DYDC1: variants seen among roughly 807,000 people sequenced by gnomAD.
The protein encoded by DYDC1 is DPY30 domain-containing protein 1.
Under a neutral mutation model 27.9 loss-of-function variants are expected in DYDC1, and 21 were observed. The observed-to-expected ratio is 0.75, with a 90% CI of 0.53 to 1.08. The LOEUF is 1.08. Among genes scored for constraint, DYDC1 ranks in the 50% least tolerant of loss-of-function variants. DYDC1 has a pLI of 0.00. For synonymous variants in DYDC1, 67 were observed against 65.8 expected (o/e 1.02, Z -0.09); for missense variants, 202 against 205.9 (o/e 0.98, Z 0.12).
At chr10:80,349,616 C>T (rs758990439) in intron 3 of DYDC1, among the ~76,000 whole-genome samples, 5 of 152,088 alleles carry the variant, frequency 3.3e-5, no homozygotes, top group Non-Finnish European at 5.9e-5. Flanking sequence ...GTAGCTGAAA[C>T]GCAGAAACAG....
At chr10:80,346,663 T>C (rs1589509370) in intron 3 of DYDC1, among the ~76,000 whole-genome samples, 8 of 150,802 alleles carry the variant, frequency 5.3e-5, no homozygotes. Flanking sequence ...GGTTTCACCA[T>C]GTTAGCTAGG....
intron 3 of DYDC1, among the ~76,000 whole-genome samples, chr10:80,349,481 TA>T (rs1564664880): frequency 2.0e-5 from 3 of 152,182 alleles, no homozygotes; most frequent in Admixed American, 2.0e-4. Flanking sequence ...CAATGCATTC[TA>T]AAATAATAAA....
At chr10:80,354,144 AT>A in intron 1 of DYDC1, among the ~76,000 whole-genome samples, 1 of 148,644 alleles carries the variant, frequency 6.7e-6, no homozygotes, top group South Asian at 2.1e-4. Flanking sequence ...ATATATATAT[AT>A]TTTTTCCTGA....
Position 80,339,790 on chromosome 10 carries a change from G to A in DYDC1, c.343-637C>T, listed in dbSNP as rs79872102. The stretch of plus-strand genomic sequence containing the variant: ...TCGTTTTGGCTGCTAGAAGACCAGT[G>A]ATTTCTTGATCATACATATGGTCAC... On this transcript the variant is annotated intron_variant, in intron 4 of 6. Coordinates refer to ENST00000372202, the MANE Select transcript of DYDC1 (RefSeq NM_001269053.2). 7.2e-3 allele frequency among the ~76,000 whole-genome samples: 1,101 copies of A among 152,232 alleles called. 37 individuals are homozygous for A. Among genetic ancestry groups the A allele is most frequent in the East Asian group, 0.051 (263 of 5,176 alleles).
chr10:80,347,209 G>A (rs532670387), intron 3 of DYDC1, among the ~76,000 whole-genome samples: 36 of 149,974 alleles, frequency 2.4e-4, no homozygotes, highest in African/African-American at 7.8e-4. Context: ...TATACCTGTT[G>A]GCCACTTTTA....
intron 1 of DYDC1, among the ~76,000 whole-genome samples, chr10:80,354,149 T>C (rs1398969587): frequency 6.7e-6 from 1 of 149,364 alleles, no homozygotes; most frequent in Non-Finnish European, 1.5e-5. Context: ...TATATATTTT[T>C]TCCTGAGAAT....
intron 3 of DYDC1, among the ~76,000 whole-genome samples, chr10:80,347,119 G>A (rs560608340): frequency 2.6e-5 from 4 of 151,930 alleles, no homozygotes; most frequent in African/African-American, 9.6e-5. Flanking sequence ...TAATAGGGGC[G>A]AGGTGGTATC....
At chr10:80,353,984 C>T (rs576167748) in intron 1 of DYDC1, among the ~76,000 whole-genome samples, 7 of 151,984 alleles carry the variant, frequency 4.6e-5, no homozygotes, top group Non-Finnish European at 8.8e-5. Flanking sequence ...GGCGTGGTGG[C>T]GGGCGCCTGT....
At position 80,342,344 on chromosome 10, in the gene DYDC1, C is replaced by A; in HGVS notation, c.267G>T (p.Gln89His). The A allele has an allele frequency of 6.2e-7, 1 of 1,613,636 alleles. No individual in the cohort carries two copies. The highest frequency in any genetic ancestry group is 8.5e-7 in the Non-Finnish European group (1 of 1,179,964). Residue 89 changes from glutamine (Q) to histidine (H), a missense_variant, in exon 4 of 7, where the codon CAG becomes CAT. By Grantham distance (24) the Gln-to-His change is conservative (BLOSUM62 0). Coordinates refer to ENST00000372202, the MANE Select transcript of DYDC1 (RefSeq NM_001269053.2). Reference sequence around the variant, plus strand: ...CCTTTTCTTGCATTTCCAACTCTAGCTGCAATGCCAGCTGTTGCTGAATAT... The same window carrying A: ...CCTTTTCTTGCATTTCCAACTCTAGATGCAATGCCAGCTGTTGCTGAATAT... ...LLLQQQQLALQLELEMQEKER... is the reference protein window; with the variant it reads ...LLLQQQQLALHLELEMQEKER...
intron 3 of DYDC1, among the ~76,000 whole-genome samples, chr10:80,346,444 CT>C (rs1032729095): frequency 0.015 from 1,208 of 83,164 alleles, 1 homozygote; most frequent in Middle Eastern, 0.029. Context: ...TCTTCCCTTT[CT>C]TTTTTTTTTT....
chr10:80,351,328 G>A (rs546793544), intron 3 of DYDC1, among the ~76,000 whole-genome samples: 1 of 152,062 alleles, frequency 6.6e-6, no homozygotes, highest in South Asian at 2.1e-4. Context: ...ATGGTGAGCT[G>A]ACCCTACGAA....
rs747203519 is a variant in DYDC1 at position 80,338,494 on chromosome 10, T to A, written c.477A>T (p.Glu159Asp). The change falls in exon 6 of 7, where the codon GAA becomes GAT. Residue 159 changes from glutamate to aspartate, a missense_variant. Transcript: ENST00000372202. ...CAGAAAACATTGGTTCATCAAGTTC[T>A]TCCACTCTGCTCAAGTTAGGTGCTC... ...RYGAPNLSRVEELDEPMFSDI... is the reference protein window; with the variant it reads ...RYGAPNLSRVDELDEPMFSDI... 14 of 1,613,288 alleles carry A rather than the reference T, an allele frequency of 8.7e-6. No homozygotes were observed. Among genetic ancestry groups the A allele is most frequent in the Non-Finnish European group, 1.2e-5 (14 of 1,179,706 alleles).
At chr10:80,351,377 C>T (rs910927508) in intron 3 of DYDC1, among the ~76,000 whole-genome samples, 7 of 151,254 alleles carry the variant, frequency 4.6e-5, no homozygotes, top group African/African-American at 1.5e-4. Flanking sequence ...ACTCACTCCT[C>T]CACTACTGTG....
chr10:80,351,778 G>A (rs1396278498), intron 3 of DYDC1, 123 bp downstream of exon 3: 2 of 831,662 alleles, frequency 2.4e-6, no homozygotes, highest in Non-Finnish European at 3.8e-6. Flanking sequence ...CCATAAAGAT[G>A]AAGATATTAG....
At position 80,355,620 on chromosome 10, in the gene DYDC1, G is replaced by A. The variant is rs539017482; in HGVS notation, c.-10+1092C>T. ...TGGGGATTAATAAGAGCAACACAAT[G>A]GATTATTATGCAGATGTACAAGAGA... On this transcript the variant is annotated intron_variant, in intron 1 of 6. Coordinates refer to ENST00000372202, the MANE Select transcript of DYDC1 (RefSeq NM_001269053.2). Among the ~76,000 whole-genome samples the A allele has an allele frequency of 4.6e-5, 7 of 152,184 alleles. No individual in the cohort carries two copies. The South Asian group carries it at 1.2e-3, about 27-fold the overall frequency.
chr10:80,345,384 C>T (rs1386591844), intron 3 of DYDC1, among the ~76,000 whole-genome samples: 1 of 152,116 alleles, frequency 6.6e-6, no homozygotes, highest in African/African-American at 2.4e-5. Flanking sequence ...CACAGGTAAG[C>T]AATTTCAATA....
chr10:80,356,474 C>T (rs1843374394), intron 1 of DYDC1: 27 of 985,228 alleles, frequency 2.7e-5, no homozygotes, highest in African/African-American at 3.5e-5. Context: ...TTTTCCCACC[C>T]GGGAGTCTGG....
intron 4 of DYDC1, among the ~76,000 whole-genome samples, chr10:80,341,047 C>T (rs919069491): frequency 6.6e-6 from 1 of 152,124 alleles, no homozygotes; most frequent in Non-Finnish European, 1.5e-5. Flanking sequence ...ATCTAAGCAT[C>T]AATAAACATA....
In DYDC1 at chr10:80,352,005, A is replaced by T. The variant is rs1198512299; in HGVS notation, c.148-3T>A. On this transcript the variant is annotated splice_region_variant and splice_polypyrimidine_tract_variant and intron_variant, in intron 2 of 6. Coordinates refer to ENST00000372202, the MANE Select transcript of DYDC1 (RefSeq NM_001269053.2). ...AGCTTGGCCATTTCCTTTTGTCTCTAGCATTGTTTAAAAACAACAGCACAC... is the reference window on the plus strand; with the variant it reads ...AGCTTGGCCATTTCCTTTTGTCTCTTGCATTGTTTAAAAACAACAGCACAC... 1.1e-5 allele frequency: 17 copies of T among 1,613,482 alleles called. No homozygotes were observed. The South Asian group carries it at 1.9e-4, about 18-fold the overall frequency.
Sources: gnomAD v4.1 joint callset for allele counts (sites outside exome capture counted in the v4.1 genomes callset) on GRCh38, gnomAD v4.1.1 for gene constraint, MANE v1.5 for transcripts, NCBI Gene and HGNC (gene_info 2026-07-23, HGNC 2026-07-21) for gene names.